The following HOMER1 variants were observed in gnomAD, a reference collection of about 807,000 sequenced individuals.
The protein encoded by HOMER1 is homer scaffold protein 1, also known as homer protein homolog 1.
Under a neutral mutation model 48.9 loss-of-function variants are expected in HOMER1, and 3 were observed. That is an observed-to-expected ratio of 0.06 (90% confidence interval 0.03 to 0.16). The LOEUF is 0.16. Among genes scored for constraint, HOMER1 ranks in the 10% least tolerant of loss-of-function variants. HOMER1 has a pLI of 1.00. For missense variants in HOMER1, 247 were observed against 411.4 expected (o/e 0.60, Z 3.46); for synonymous variants, 134 against 146.4 (o/e 0.92, Z 0.61).
chr5:79,405,543 T>C (rs992710443), intron 5 of HOMER1, among the ~76,000 whole-genome samples: 1 of 152,230 alleles, frequency 6.6e-6, no homozygotes, highest in Non-Finnish European at 1.5e-5. Flanking sequence ...CATTTTTTTC[T>C]ATGAATTTTT....
At chr5:79,387,494 ACTT>A (rs979621842) in intron 8 of HOMER1, among the ~76,000 whole-genome samples, 4 of 152,160 alleles carry the variant, frequency 2.6e-5, no homozygotes, top group African/African-American at 7.2e-5. Context: ...CATCTGATAT[ACTT>A]CTTAAGCTCT....
chr5:79,499,382 G>C (rs904420756), intron 1 of HOMER1, among the ~76,000 whole-genome samples: 4 of 152,164 alleles, frequency 2.6e-5, no homozygotes, highest in African/African-American at 9.6e-5. Context: ...TTTATGAGAA[G>C]TACTTTAATG....
chr5:79,397,409 T>A lies in HOMER1; in HGVS notation c.795+118A>T. 4 of 690,766 alleles carry A rather than the reference T, an allele frequency of 5.8e-6. No homozygotes were observed. The South Asian group carries it at 6.9e-5, about 12-fold the overall frequency. The allele number at this position is 690,766 out of a possible 1,614,324, so 42.8% of individuals were successfully genotyped here. A position where few individuals can be genotyped will look rare whatever the true frequency, so the allele number is the denominator to read the frequency against. ...ATACCACTCAAGAAAAATTTCATCC[T>A]AAAAAAGAGGTCACAACCTGACTTT... On this transcript the variant is annotated intron_variant, in intron 7 of 8. Transcript: ENST00000334082.
chr5:79,404,996 A>C (rs895475101), intron 5 of HOMER1, among the ~76,000 whole-genome samples: 1 of 152,060 alleles, frequency 6.6e-6, no homozygotes, highest in Non-Finnish European at 1.5e-5. Context: ...GGCATGAGCC[A>C]TCGTGCCCGG....
intron 8 of HOMER1, among the ~76,000 whole-genome samples, chr5:79,393,257 G>A (rs1020329538): frequency 2.0e-5 from 3 of 152,032 alleles, no homozygotes; most frequent in African/African-American, 7.2e-5. Flanking sequence ...AGTACTAAAA[G>A]GAAAATAAAA....
intron 5 of HOMER1, among the ~76,000 whole-genome samples, chr5:79,431,707 G>A (rs954279113): frequency 5.3e-5 from 8 of 152,140 alleles, no homozygotes; most frequent in Middle Eastern, 6.8e-3. Flanking sequence ...GTGAATATAC[G>A]GCCAAGCTAA....
chr5:79,376,039 A>C lies in HOMER1; in HGVS notation c.1035T>G (p.Asp345Glu). The C allele has an allele frequency of 6.2e-7, 1 of 1,611,454 alleles. No homozygotes were observed. Among genetic ancestry groups the C allele is most frequent in the Non-Finnish European group, 8.5e-7 (1 of 1,179,186 alleles). The change falls in exon 9 of 9, where the codon GAT becomes GAG. Residue 345 changes from aspartate to glutamate, a missense_variant. Coordinates refer to ENST00000334082, the MANE Select transcript of HOMER1 (RefSeq NM_004272.5). ...TGCATTCTAGTAGCTTGGCCAAGTTATCTCGTAATTCTGTTAGTTCAAATA... is the reference window on the plus strand; with the variant it reads ...TGCATTCTAGTAGCTTGGCCAAGTTCTCTCGTAATTCTGTTAGTTCAAATA... Reference protein sequence around the residue: ...GKIFELTELRDNLAKLLECS With the variant: ...GKIFELTELRENLAKLLECS
intron 5 of HOMER1, among the ~76,000 whole-genome samples, chr5:79,435,928 C>T (rs1184567753): frequency 6.7e-6 from 1 of 149,316 alleles, no homozygotes; most frequent in Non-Finnish European, 1.5e-5. Context: ...AGATCGAGAC[C>T]ATCCTGGCTA....
intron 8 of HOMER1, 28 bp from the exon 9 acceptor site, chr5:79,376,225 A>G (rs374688563): frequency 1.4e-5 from 21 of 1,526,002 alleles, no homozygotes; most frequent in Non-Finnish European, 1.9e-5. Context: ...TAACATGTAT[A>G]TATGTCAATT....
intron 2 of HOMER1, among the ~76,000 whole-genome samples, chr5:79,456,005 A>G (rs970171225): frequency 2.0e-5 from 3 of 152,020 alleles, no homozygotes; most frequent in African/African-American, 7.3e-5. Context: ...AAATACAAAA[A>G]TTATCCAGGC....
At chr5:79,462,654 A>G (rs1751345849) in intron 1 of HOMER1, among the ~76,000 whole-genome samples, 1 of 152,246 alleles carries the variant, frequency 6.6e-6, no homozygotes, top group Non-Finnish European at 1.5e-5. Flanking sequence ...AGCAAAACAA[A>G]AAACTATTTT....
intron 1 of HOMER1, among the ~76,000 whole-genome samples, chr5:79,495,519 G>A (rs916306129): frequency 6.6e-6 from 1 of 152,104 alleles, no homozygotes; most frequent in Non-Finnish European, 1.5e-5. Flanking sequence ...GTAATTTTTT[G>A]TTTACATGGC....
intron 1 of HOMER1, among the ~76,000 whole-genome samples, chr5:79,511,354 C>CT (rs1752936843): frequency 6.6e-6 from 1 of 152,178 alleles, no homozygotes; most frequent in African/African-American, 2.4e-5. Context: ...TGAAAAAGGT[C>CT]TCCATCAGAA....
intron 1 of HOMER1, among the ~76,000 whole-genome samples, chr5:79,471,270 G>A (rs1410776295): frequency 6.6e-6 from 1 of 152,162 alleles, no homozygotes. Context: ...GAGGCCAGGA[G>A]CGGTGGCTCA....
intron 1 of HOMER1, among the ~76,000 whole-genome samples, chr5:79,509,426 G>A (rs1190721070): frequency 6.9e-6 from 1 of 144,878 alleles, no homozygotes; most frequent in Non-Finnish European, 1.5e-5. Flanking sequence ...CTTGATTTCT[G>A]TTGCCTACTG....
intron 8 of HOMER1, among the ~76,000 whole-genome samples, chr5:79,396,093 T>C (rs1469982847): frequency 1.3e-5 from 2 of 152,130 alleles, no homozygotes; most frequent in Non-Finnish European, 2.9e-5. Flanking sequence ...AGAGAAGACT[T>C]TGGTAATAAA....
chr5:79,378,779 T>G (rs1221914256), intron 8 of HOMER1, among the ~76,000 whole-genome samples: 3 of 151,978 alleles, frequency 2.0e-5, no homozygotes, highest in African/African-American at 7.3e-5. Context: ...CTTGTTTCCT[T>G]GCCAATCAAT....
intron 8 of HOMER1, among the ~76,000 whole-genome samples, chr5:79,385,589 C>G (rs1043062898): frequency 1.3e-5 from 2 of 152,052 alleles, no homozygotes; most frequent in African/African-American, 4.8e-5. Context: ...TGCCTATGGT[C>G]CTAGCACTGT....
intron 1 of HOMER1, among the ~76,000 whole-genome samples, chr5:79,506,708 G>T (rs1451535310): frequency 6.6e-6 from 1 of 152,042 alleles, no homozygotes; most frequent in Non-Finnish European, 1.5e-5. Context: ...ATGGTGGTGT[G>T]AGCCTATAGT....
Sources: allele counts gnomAD v4.1 joint callset (sites outside exome capture counted in the v4.1 genomes callset), GRCh38; gene constraint gnomAD v4.1.1; transcripts MANE v1.5; gene names NCBI Gene and HGNC (gene_info 2026-07-23, HGNC 2026-07-21).